The following STXBP5L variants were observed in gnomAD, a reference collection of about 807,000 sequenced individuals.
STXBP5L encodes syntaxin-binding protein 5-like.
In STXBP5L, 65 loss-of-function variants were observed where a neutral mutation model predicts 144.5. That is an observed-to-expected ratio of 0.45 (90% CI 0.37 to 0.55). The LOEUF is 0.55. Ranked by LOEUF, STXBP5L falls within the 20% of genes least tolerant of loss-of-function variation. STXBP5L has a pLI of 0.00. For missense variants in STXBP5L, 1,298 were observed against 1,405.5 expected (o/e 0.92, Z 1.22); for synonymous variants, 505 against 469.6 (o/e 1.08, Z -0.97).
At chr3:121,405,174 T>C (rs1245680265) in intron 22 of STXBP5L, among the ~76,000 whole-genome samples, 1 of 152,138 alleles carries the variant, frequency 6.6e-6, no homozygotes, top group African/African-American at 2.4e-5. Flanking sequence ...CCTCTTCAAA[T>C]AGATCCATAG....
At chr3:120,966,345 T>C (rs1338519149) in intron 3 of STXBP5L, among the ~76,000 whole-genome samples, 1 of 152,216 alleles carries the variant, frequency 6.6e-6, no homozygotes, top group East Asian at 1.9e-4. Flanking sequence ...TGTGATCCTT[T>C]GGAGGGGAAG....
chr3:121,408,951 G>T (rs2047057708), intron 23 of STXBP5L, among the ~76,000 whole-genome samples: 1 of 151,880 alleles, frequency 6.6e-6, no homozygotes, highest in Non-Finnish European at 1.5e-5. Context: ...ATATAGGAAA[G>T]TCAGAAGGAT....
intron 11 of STXBP5L, among the ~76,000 whole-genome samples, chr3:121,231,823 A>G (rs1334318601): frequency 6.6e-6 from 1 of 152,194 alleles, no homozygotes; most frequent in East Asian, 1.9e-4. Flanking sequence ...CAAAATATTA[A>G]CTGCTGCTTA....
intron 22 of STXBP5L, among the ~76,000 whole-genome samples, chr3:121,400,859 T>C (rs2046855384): frequency 6.6e-6 from 1 of 152,162 alleles, no homozygotes; most frequent in South Asian, 2.1e-4. Flanking sequence ...CAGTTCAAAA[T>C]AGAGGTTAAA....
At chr3:121,392,896 C>T (rs746536016) in intron 22 of STXBP5L, among the ~76,000 whole-genome samples, 13 of 150,506 alleles carry the variant, frequency 8.6e-5, no homozygotes, top group South Asian at 4.2e-4. Flanking sequence ...TAAACATACA[C>T]GTGCTTGTGT....
intron 19 of STXBP5L, among the ~76,000 whole-genome samples, chr3:121,293,815 G>T (rs900239351): frequency 6.6e-6 from 1 of 152,136 alleles, no homozygotes; most frequent in Non-Finnish European, 1.5e-5. Context: ...GAGCCAAGAT[G>T]GTGCCATTGC....
intron 3 of STXBP5L, among the ~76,000 whole-genome samples, chr3:120,987,830 G>A (rs965974003): frequency 6.6e-6 from 1 of 151,710 alleles, no homozygotes; most frequent in Non-Finnish European, 1.5e-5. Flanking sequence ...AAATTAGGAA[G>A]TATTCCTTTT....
intron 3 of STXBP5L, among the ~76,000 whole-genome samples, chr3:120,977,179 T>G (rs577710817): frequency 6.6e-6 from 1 of 152,350 alleles, no homozygotes; most frequent in South Asian, 2.1e-4. Flanking sequence ...TGTGGGAGTC[T>G]AAGTCTCTTT....
chr3:121,404,866 T>C (rs926450320), intron 22 of STXBP5L, among the ~76,000 whole-genome samples: 1 of 152,112 alleles, frequency 6.6e-6, no homozygotes, highest in Non-Finnish European at 1.5e-5. Flanking sequence ...CATAATGAAA[T>C]ACCACAGACT....
chr3:121,259,082 A>G lies in STXBP5L; in HGVS notation c.1872A>G (p.Gln624=). The G allele has an allele frequency of 6.2e-7, 1 of 1,607,082 alleles. No homozygotes were observed. Among genetic ancestry groups the G allele is most frequent in the African/African-American group, 1.3e-5 (1 of 74,848 alleles). ...CAGTGCGAATGCCTCCAGGATATCAAGCAGAACTTGTTATTCAATTGGTGT... is the reference window on the plus strand; with the variant it reads ...CAGTGCGAATGCCTCCAGGATATCAGGCAGAACTTGTTATTCAATTGGTGT... ...TRPVRMPPGY[Q]AELVIQLVWV... The change falls in exon 18 of 27, where the codon CAA becomes CAG. Residue 624 remains glutamine, a synonymous_variant. Transcript: ENST00000471454.
intron 5 of STXBP5L, among the ~76,000 whole-genome samples, chr3:121,076,809 C>T (rs2042037716): frequency 6.6e-6 from 1 of 152,082 alleles, no homozygotes; most frequent in African/African-American, 2.4e-5. Flanking sequence ...GATGCTTTTC[C>T]TCCCATTTCC....
chr3:121,053,166 C>T (rs146636968), intron 5 of STXBP5L, among the ~76,000 whole-genome samples: 2 of 152,212 alleles, frequency 1.3e-5, no homozygotes, highest in South Asian at 2.1e-4. Flanking sequence ...GGCCATATTG[C>T]CCAAGATAAT....
At chr3:121,008,699 C>T (rs1035583815) in intron 3 of STXBP5L, among the ~76,000 whole-genome samples, 1 of 151,988 alleles carries the variant, frequency 6.6e-6, no homozygotes, top group Admixed American at 6.6e-5. Flanking sequence ...GATAATAGTA[C>T]TACTAGTATA....
At chr3:121,362,376 G>A (rs1039112720) in intron 20 of STXBP5L, among the ~76,000 whole-genome samples, 27 of 152,212 alleles carry the variant, frequency 1.8e-4, no homozygotes, top group Admixed American at 3.3e-4. Flanking sequence ...CTTCAAGGGT[G>A]GCAAGGCCCC....
At chr3:121,075,437 A>G (rs770421976) in intron 5 of STXBP5L, among the ~76,000 whole-genome samples, 1 of 152,112 alleles carries the variant, frequency 6.6e-6, no homozygotes, top group Non-Finnish European at 1.5e-5. Flanking sequence ...CTCTGCATCT[A>G]GCTTCTCTCT....
chr3:121,402,175 A>C (rs575120216), intron 22 of STXBP5L, among the ~76,000 whole-genome samples: 152 of 152,340 alleles, frequency 1.0e-3, no homozygotes, highest in Non-Finnish European at 1.7e-3. Flanking sequence ...CAGGAAGTTA[A>C]TAAATGTTTA....
intron 12 of STXBP5L, among the ~76,000 whole-genome samples, chr3:121,234,717 G>T (rs1240582902): frequency 6.6e-6 from 1 of 151,918 alleles, no homozygotes; most frequent in Non-Finnish European, 1.5e-5. Flanking sequence ...TTTGGAAAGG[G>T]ATGTAGGATT....
At chr3:121,121,491 A>G in intron 6 of STXBP5L, 150 bp from the exon 7 acceptor site, 1 of 477,430 alleles carries the variant, frequency 2.1e-6, no homozygotes, top group Non-Finnish European at 3.7e-6. Flanking sequence ...TAGGACTGGT[A>G]AAGTAAATAA....
chr3:120,926,356 C>CTTTTTTTTTTTTT (rs35029446), intron 2 of STXBP5L, among the ~76,000 whole-genome samples: 1 of 139,740 alleles, frequency 7.2e-6, no homozygotes, highest in Non-Finnish European at 1.5e-5. Context: ...GATGGCAGTT[C>CTTTTTTTTTTTTT]TTTTTTTTTT....
Sources: gnomAD v4.1 joint callset for allele counts (sites outside exome capture counted in the v4.1 genomes callset) on GRCh38, gnomAD v4.1.1 for gene constraint, MANE v1.5 for transcripts, NCBI Gene and HGNC (gene_info 2026-07-23, HGNC 2026-07-21) for gene names.